Variants in VRTN observed in about 807,000 individuals in gnomAD.
The protein encoded by VRTN is vertebrae development associated.
A neutral mutation model predicts 18.2 loss-of-function variants in VRTN; 5 were observed. The ratio of observed to expected loss-of-function variants is 0.27; its 90% CI spans 0.14 to 0.58. The LOEUF (loss-of-function observed/expected upper bound fraction) is 0.58. Among genes scored for constraint, VRTN ranks in the 20% least tolerant of loss-of-function variants. The pLI, the probability that VRTN is intolerant of heterozygous loss-of-function variation, is 0.91. For missense variants in VRTN, 741 were observed against 939.4 expected (o/e 0.79, Z 2.76); for synonymous variants, 381 against 393.7 (o/e 0.97, Z 0.38).
chr14:74,310,071 C>G (rs2085377476), intron 1 of VRTN, among the ~76,000 whole-genome samples: 1 of 152,262 alleles, frequency 6.6e-6, no homozygotes, highest in Admixed American at 6.5e-5. Flanking sequence ...ATATGACACC[C>G]TCACTGTGTA....
Position 74,336,023 on chromosome 14 carries a change from G to A in VRTN, c.-163-1700G>A, listed in dbSNP as rs534192389. Among the ~76,000 whole-genome samples, 9 of 151,726 alleles carry A rather than the reference G, an allele frequency of 5.9e-5. 1 individual carries two copies. The South Asian group carries it at 1.0e-3, about 18-fold the overall frequency. ...CTCAAAGTGCTGGTATTACAGGTGTGAGCCACCGCACCCAGCCTCAGATCT... is the reference window on the plus strand; with the variant it reads ...CTCAAAGTGCTGGTATTACAGGTGTAAGCCACCGCACCCAGCCTCAGATCT... On this transcript the variant is annotated intron_variant, in intron 1 of 2. Coordinates refer to the VRTN transcript ENST00000557177.
intron 1 of VRTN, among the ~76,000 whole-genome samples, chr14:74,332,341 T>G (rs1045910271): frequency 8.9e-5 from 2 of 22,408 alleles, no homozygotes; most frequent in Non-Finnish European, 1.4e-4. Flanking sequence ...ATCTGTTTTT[T>G]TTTTTTTTTT....
chr14:74,303,843 ATTTTT>A (rs67822776), intron 1 of VRTN, among the ~76,000 whole-genome samples: 4 of 88,496 alleles, frequency 4.5e-5, no homozygotes, highest in South Asian at 3.9e-4. Flanking sequence ...ACAATTACAG[ATTTTT>A]TTTTTTTTTT....
chr14:74,339,086 A>G (rs913415340), intron 2 of VRTN, among the ~76,000 whole-genome samples: 3 of 151,372 alleles, frequency 2.0e-5, no homozygotes, highest in African/African-American at 7.3e-5. Flanking sequence ...TTGACTTTGA[A>G]CCCCTGGCCT....
chr14:74,327,521 G>C (rs1217767513), intron 1 of VRTN, among the ~76,000 whole-genome samples: 1 of 152,058 alleles, frequency 6.6e-6, no homozygotes, highest in Non-Finnish European at 1.5e-5. Context: ...TCCACATTTT[G>C]TTTCAAATTC....
rs2085717191 is a variant in VRTN at position 74,355,175 on chromosome 14, TC to T, written c.-1-1607del. ...AAAAAAAAAAAATTGTCACCACTGA[TC>T]TCATCAGAAAAATTGAGATTTTCAG... On this transcript the variant is annotated intron_variant, in intron 1 of 1. Transcript: ENST00000256362. Among the ~76,000 whole-genome samples the T allele has an allele frequency of 1.4e-4, 21 of 151,102 alleles. No homozygotes were observed. In the South Asian group the frequency reaches 4.4e-3, roughly 32 times the overall value.
intron 1 of VRTN, among the ~76,000 whole-genome samples, chr14:74,307,738 T>C (rs2085362847): frequency 6.6e-6 from 1 of 152,128 alleles, no homozygotes; most frequent in Admixed American, 6.6e-5. Context: ...CAATTTTTTT[T>C]TCTTTTTTTT....
chr14:74,346,006 T>C (rs180685073), upstream of VRTN, among the ~76,000 whole-genome samples: 1 of 145,610 alleles, frequency 6.9e-6, no homozygotes, highest in East Asian at 2.1e-4. Context: ...TATATGCACA[T>C]AAAAAGATGA....
intron 1 of VRTN, among the ~76,000 whole-genome samples, chr14:74,352,235 G>A (rs1331278257): frequency 6.6e-6 from 1 of 151,424 alleles, no homozygotes; most frequent in Non-Finnish European, 1.5e-5. Flanking sequence ...GCTGGAGTGC[G>A]GTGGGCGATC....
chr14:74,338,204 G>A (rs1595170535), intron 2 of VRTN, among the ~76,000 whole-genome samples: 1 of 151,946 alleles, frequency 6.6e-6, no homozygotes, highest in Admixed American at 6.6e-5. Flanking sequence ...TAATTGCTTC[G>A]TATACTCTAA....
chr14:74,357,144 C>A lies in VRTN; in HGVS notation c.361C>A (p.Gln121Lys). The A allele has an allele frequency of 1.3e-6, 2 of 1,598,234 alleles. No homozygotes were observed. Among genetic ancestry groups the A allele is most frequent in the Non-Finnish European group, 1.7e-6 (2 of 1,173,244 alleles). Reference protein sequence around the residue: ...EMLLHRHYYLQGMIDSKVMLQ... With the variant: ...EMLLHRHYYLKGMIDSKVMLQ... ...GCTGCTGCACAGACACTACTACCTC[C>A]AGGGCATGATCGACTCCAAAGTGAT... The change falls in exon 2 of 2, where the codon CAG becomes AAG. Residue 121 changes from glutamine (Q) to lysine (K), a missense_variant. This residue lies in a region of VRTN where 186 missense variants were observed against 288.3 expected (regional missense o/e 0.65). Coordinates refer to ENST00000256362, the MANE Select transcript of VRTN (RefSeq NM_018228.3). This position sits in a 1 kb window ranked among gnomAD's most constrained non-coding sequence, Gnocchi z 7.8.
intron 1 of VRTN, among the ~76,000 whole-genome samples, chr14:74,351,495 G>GT (rs59810913): frequency 0.11 from 10,028 of 89,618 alleles, 1,451 homozygotes; most frequent in African/African-American, 0.34. Context: ...TGATTACCAG[G>GT]TTTTTTTTTT....
At chr14:74,340,110 A>ATTTTT (rs71115984) in intron 2 of VRTN, among the ~76,000 whole-genome samples, 1 of 113,222 alleles carries the variant, frequency 8.8e-6, no homozygotes, top group African/African-American at 3.5e-5. Flanking sequence ...TAATGTTTGT[A>ATTTTT]TTTTTTTTTT....
intron 1 of VRTN, among the ~76,000 whole-genome samples, chr14:74,308,190 G>A (rs10133554): frequency 0.05 from 7,622 of 152,156 alleles, 693 homozygotes; most frequent in African/African-American, 0.17. Flanking sequence ...CAAGGCCAGA[G>A]GTTTGCTTGA....
intron 1 of VRTN, among the ~76,000 whole-genome samples, chr14:74,310,837 G>A (rs1233503564): frequency 1.3e-5 from 2 of 151,234 alleles, no homozygotes; most frequent in African/African-American, 2.4e-5. Context: ...TGCACCCGGT[G>A]AGGTTTTTAA....
intron 1 of VRTN, among the ~76,000 whole-genome samples, chr14:74,332,489 C>T (rs557730386): frequency 2.6e-5 from 4 of 151,088 alleles, no homozygotes; most frequent in South Asian, 2.1e-4. Flanking sequence ...TGAGTAGCTG[C>T]GATTACAGGT....
rs1218541320 is a variant in VRTN at position 74,323,445 on chromosome 14, G to A, written c.-163-14278G>A. Among the ~76,000 whole-genome samples, 6 of 151,604 alleles carry A rather than the reference G, an allele frequency of 4.0e-5. No homozygotes were observed. In the East Asian group the frequency reaches 5.9e-4, roughly 15 times the overall value. On this transcript the variant is annotated intron_variant, in intron 1 of 2. Coordinates refer to the VRTN transcript ENST00000557177. ...CTAAAATTACAAAAATCAGCTGGGC[G>A]TGGTGGTGGGCGCCTGTAATCCCAG... is the stretch of plus-strand genomic sequence containing the variant.
Position 74,351,191 on chromosome 14 carries a change from G to C in VRTN, c.-2+2539G>C, listed in dbSNP as rs141542169. Among the ~76,000 whole-genome samples the C allele has an allele frequency of 2.7e-3, 406 of 152,292 alleles. 1 individual carries two copies. The highest frequency in any genetic ancestry group is 4.4e-3 in the Non-Finnish European group (296 of 68,014). The stretch of plus-strand genomic sequence containing the variant: ...ATTGTCTGCCAAAATGAAAAAGCTT[G>C]TCTGTGTGTACACAGTTTGTTCTTC... On this transcript the variant is annotated intron_variant, in intron 1 of 1. Transcript: ENST00000256362.
At chr14:74,303,029 G>A (rs1281358300), upstream of VRTN, 1 of 1,106,756 alleles carries the variant, frequency 9.0e-7, no homozygotes, top group Non-Finnish European at 1.2e-6. Context: ...AGAGGAAGGT[G>A]CGGGAGACGC....
Sources: allele counts gnomAD v4.1 joint callset (sites outside exome capture counted in the v4.1 genomes callset), GRCh38; gene constraint gnomAD v4.1.1; regional missense constraint gnomAD v4.1.1; non-coding constraint Gnocchi (gnomAD v3.1); transcripts MANE v1.5; gene names NCBI Gene and HGNC (gene_info 2026-07-23, HGNC 2026-07-21).